The following SAMD12 variants were observed in gnomAD, a reference collection of about 807,000 sequenced individuals.
SAMD12 encodes sterile alpha motif domain-containing protein 12.
SAMD12 carries 9 observed loss-of-function variants against 15.0 expected under a neutral mutation model. The observed-to-expected ratio is 0.60, with a 90% CI of 0.36 to 1.05. The LOEUF is 1.05. Among genes scored for constraint, SAMD12 ranks in the 50% least tolerant of loss-of-function variants. The pLI is 0.01. For missense variants in SAMD12, 230 were observed against 234.2 expected (o/e 0.98, Z 0.12); for synonymous variants, 86 against 90.1 (o/e 0.96, Z 0.25).
At chr8:118,377,135 G>A (rs1819429191), downstream of SAMD12, among the ~76,000 whole-genome samples, 1 of 152,048 alleles carries the variant, frequency 6.6e-6, no homozygotes, top group Admixed American at 6.6e-5. Flanking sequence ...ACCGGCTCAC[G>A]CCTGTAATCC....
At chr8:118,461,158 T>A (rs1823409740) in intron 2 of SAMD12, among the ~76,000 whole-genome samples, 1 of 152,228 alleles carries the variant, frequency 6.6e-6, no homozygotes, top group Non-Finnish European at 1.5e-5. Context: ...CCTTTCCCAG[T>A]TAGGCTTAAT....
chr8:118,398,574 G>A (rs1357620763), intron 3 of SAMD12, among the ~76,000 whole-genome samples: 1 of 152,124 alleles, frequency 6.6e-6, no homozygotes, highest in Non-Finnish European at 1.5e-5. Flanking sequence ...GAAAGAAAGA[G>A]AATCTTTCCT....
chr8:118,431,068 G>A (rs1365310913), intron 3 of SAMD12, among the ~76,000 whole-genome samples: 1 of 151,892 alleles, frequency 6.6e-6, no homozygotes, highest in African/African-American at 2.4e-5. Flanking sequence ...TTTAGTGTTT[G>A]CCTTACAGTT....
intron 3 of SAMD12, among the ~76,000 whole-genome samples, chr8:118,402,004 A>G (rs1211290914): frequency 6.6e-6 from 1 of 152,176 alleles, no homozygotes; most frequent in Non-Finnish European, 1.5e-5. Flanking sequence ...GTTAAGCTTA[A>G]TATTCTGATT....
At chr8:118,449,351 G>A (rs919429020) in intron 2 of SAMD12, among the ~76,000 whole-genome samples, 3 of 151,754 alleles carry the variant, frequency 2.0e-5, no homozygotes, top group East Asian at 2.0e-4. Context: ...GTGAGCCACC[G>A]CACCAGCCTA....
At position 118,379,664 on chromosome 8, in the gene SAMD12, T is replaced by C; in HGVS notation, c.359A>G (p.Glu120Gly). The C allele has an allele frequency of 6.2e-7, 1 of 1,613,884 alleles. No homozygotes were observed. Reference sequence around the variant, plus strand: ...GTTCTCCTGGGCAATCCCCATTCGCTCGAGCTTTTTGTCAGTAAGTCTCAG... The same window carrying C: ...GTTCTCCTGGGCAATCCCCATTCGCCCGAGCTTTTTGTCAGTAAGTCTCAG... The part of the protein sequence containing the change: ...ALLRLTDKKL[E>G]RMGIAQENLR... Residue 120 changes from glutamate to glycine, a missense_variant, in exon 4 of 4, where the codon GAG becomes GGG. Physicochemically the swap from Glu to Gly is moderately conservative, Grantham distance 98. Transcript: ENST00000314727.
the SAMD12 span, among the ~76,000 whole-genome samples, chr8:118,151,990 C>T: frequency 3.3e-5 from 5 of 152,032 alleles, no homozygotes; most frequent in Admixed American, 2.0e-4. Flanking sequence ...TCTGACCTAC[C>T]ATCTTCCTAA....
intron 2 of SAMD12, among the ~76,000 whole-genome samples, chr8:118,531,912 C>T (rs182556914): frequency 6.6e-6 from 1 of 152,104 alleles, no homozygotes; most frequent in Admixed American, 6.5e-5. Flanking sequence ...AATTGAATAC[C>T]CTTTATTTCT....
At chr8:118,483,374 A>T (rs144782619) in intron 2 of SAMD12, among the ~76,000 whole-genome samples, 2 of 152,228 alleles carry the variant, frequency 1.3e-5, no homozygotes, top group Non-Finnish European at 2.9e-5. Flanking sequence ...GACTGACATT[A>T]TAAGAACCTT....
At position 118,370,630 on chromosome 8, in the gene SAMD12, T is replaced by C. The variant is rs768775079; in HGVS notation, c.433+8930A>G. Among the ~76,000 whole-genome samples, 61 of 152,202 alleles carry C rather than the reference T, an allele frequency of 4.0e-4. 1 individual carries two copies. Among genetic ancestry groups the C allele is most frequent in the South Asian group, 4.1e-4 (2 of 4,830 alleles). On this transcript the variant is annotated intron_variant, in intron 4 of 4. Transcript: ENST00000409003. ...TAAAAAGGAATGAGATAATGTCCTT[T>C]GCAGGGACATTGATGGAGCTGGAAG...
chr8:118,246,679 T>C (rs1812705837), intron 4 of SAMD12, among the ~76,000 whole-genome samples: 1 of 152,102 alleles, frequency 6.6e-6, no homozygotes, highest in African/African-American at 2.4e-5. Flanking sequence ...ATTTGGTAAG[T>C]GCTATGATAT....
chr8:118,443,575 CTCT>C lies in SAMD12; in HGVS notation c.193-3617_193-3615del, dbSNP rs1390092273. ...GGTAATAAAGATTCCTACTGTTTGT[CTCT>C]TCTTAATCAGATGGTAATAAAAGTA... On this transcript the variant is annotated intron_variant, in intron 2 of 3. Coordinates refer to ENST00000314727, the MANE Select transcript of SAMD12 (RefSeq NM_207506.3). Among the ~76,000 whole-genome samples, 7 of 152,276 alleles carry C rather than the reference CTCT, an allele frequency of 4.6e-5. No homozygotes were observed. The South Asian group carries it at 8.3e-4, about 18-fold the overall frequency.
chr8:118,204,931 T>G (rs1819820788), intron 4 of SAMD12, among the ~76,000 whole-genome samples: 1 of 152,214 alleles, frequency 6.6e-6, no homozygotes, highest in African/African-American at 2.4e-5. Flanking sequence ...TAATTTTATG[T>G]GTGAACTTGA....
intron 2 of SAMD12, among the ~76,000 whole-genome samples, chr8:118,445,530 G>C (rs1822887755): frequency 6.6e-6 from 1 of 152,010 alleles, no homozygotes; most frequent in Non-Finnish European, 1.5e-5. Context: ...AAAGTTAACA[G>C]GTAAAAGAAG....
At chr8:118,154,114 G>A in the SAMD12 span, among the ~76,000 whole-genome samples, 2 of 149,592 alleles carry the variant, frequency 1.3e-5, no homozygotes, top group Middle Eastern at 3.4e-3. Context: ...GCCTGCTTAA[G>A]CAAAAGTCAA....
At chr8:118,206,133 A>G (rs1586341799) in intron 4 of SAMD12, among the ~76,000 whole-genome samples, 1 of 152,120 alleles carries the variant, frequency 6.6e-6, no homozygotes, top group Admixed American at 6.6e-5. Context: ...GCTTCTTAAC[A>G]TTTTTCTTTT....
intron 4 of SAMD12, among the ~76,000 whole-genome samples, chr8:118,221,445 T>C (rs1219795882): frequency 6.6e-6 from 1 of 152,094 alleles, no homozygotes; most frequent in Non-Finnish European, 1.5e-5. Flanking sequence ...TGGACGTGAG[T>C]TTTGTTTAAG....
chr8:118,379,346 C>T lies in SAMD12; in HGVS notation c.*71G>A. ...AAGTTAGCTCAGGTAATTCTGTTTGCTCATCCATTACTTATTTGTGCATCC... is the reference window on the plus strand; with the variant it reads ...AAGTTAGCTCAGGTAATTCTGTTTGTTCATCCATTACTTATTTGTGCATCC... On this transcript the variant is annotated 3_prime_UTR_variant, in exon 4 of 4. Transcript: ENST00000314727. The T allele has an allele frequency of 5.2e-6, 8 of 1,542,422 alleles. No homozygotes were observed. Among genetic ancestry groups the T allele is most frequent in the Non-Finnish European group, 7.0e-6 (8 of 1,147,816 alleles).
intron 4 of SAMD12, among the ~76,000 whole-genome samples, chr8:118,345,142 A>G (rs771675940): frequency 4.8e-4 from 73 of 152,046 alleles, no homozygotes; most frequent in Non-Finnish European, 1.0e-4. Flanking sequence ...TTTATACTCT[A>G]TCTTTTCTAG....
Sources: allele counts gnomAD v4.1 joint callset (sites outside exome capture counted in the v4.1 genomes callset), GRCh38; gene constraint gnomAD v4.1.1; transcripts MANE v1.5; gene names NCBI Gene and HGNC (gene_info 2026-07-23, HGNC 2026-07-21).